PAK3: variants seen among roughly 807,000 people sequenced by gnomAD.
PAK3 encodes serine/threonine-protein kinase PAK 3.
A neutral mutation model predicts 41.0 loss-of-function variants in PAK3; 4 were observed. That is an observed-to-expected ratio of 0.10 (90% CI 0.05 to 0.22). The LOEUF is 0.22. Among genes scored for constraint, PAK3 ranks in the 10% least tolerant of loss-of-function variants. The pLI is 1.00. For missense variants in PAK3, 205 were observed against 409.9 expected (o/e 0.50, Z 4.32); for synonymous variants, 146 against 139.6 (o/e 1.05, Z -0.32).
chrX:110,971,347 CT>C (rs1158261003), intron 1 of PAK3, among the ~76,000 whole-genome samples: 1 of 112,100 alleles, frequency 8.9e-6, no homozygotes. Context: ...AATATGTGGC[CT>C]TTTGTGACTG....
intron 4 of PAK3, among the ~76,000 whole-genome samples, chrX:111,105,770 AT>A (rs975351860): frequency 1.8e-5 from 2 of 111,441 alleles, no homozygotes; most frequent in Non-Finnish European, 3.8e-5. Context: ...ATCACACTCT[AT>A]ACCAAACTTG....
At chrX:111,005,979 G>C (rs184572726) in intron 1 of PAK3, among the ~76,000 whole-genome samples, 1 of 111,393 alleles carries the variant, frequency 9.0e-6, no homozygotes, top group Non-Finnish European at 1.9e-5. Flanking sequence ...TATACCCAGG[G>C]TTTACCCTGC....
At chrX:111,196,684 GA>G (rs2094615933) in intron 16 of PAK3, 44 bp downstream of exon 16, 1 of 961,950 alleles carries the variant, frequency 1.0e-6, no homozygotes. Context: ...CAGGAAAGAG[GA>G]AAGGCCAAAT....
chrX:111,152,576 T>C (rs1047563164), intron 8 of PAK3, 129 bp downstream of exon 8: 4 of 496,442 alleles, frequency 8.1e-6, no homozygotes, highest in Non-Finnish European at 1.4e-5. Context: ...ATTCAGTTTA[T>C]ATAAAATTCA....
At chrX:111,159,596 A>G (rs1026593035) in intron 8 of PAK3, among the ~76,000 whole-genome samples, 4 of 111,674 alleles carry the variant, frequency 3.6e-5, no homozygotes, top group Non-Finnish European at 7.5e-5. Flanking sequence ...GCAAATTTCG[A>G]TAACCCAAAG....
rs761684801 is a variant in PAK3 at position 111,133,896 on chromosome X, A to G, written c.176-8200A>G. 9.8e-5 allele frequency among the ~76,000 whole-genome samples: 11 copies of G among 112,250 alleles called. No homozygotes were observed. In the South Asian group the frequency reaches 4.1e-3, roughly 42 times the overall value. ...TTGTGCTTTTAGGCTAAATTTATGT[A>G]GGAAAGCATTTCCCTATGTCTGTCT... is the stretch of plus-strand genomic sequence containing the variant. On this transcript the variant is annotated intron_variant, in intron 5 of 17. Coordinates refer to ENST00000372007, the MANE Select transcript of PAK3 (RefSeq NM_002578.5).
At chrX:110,956,731 G>A (rs962010081) in intron 1 of PAK3, among the ~76,000 whole-genome samples, 5 of 111,411 alleles carry the variant, frequency 4.5e-5, no homozygotes, top group African/African-American at 9.8e-5. Context: ...CTCCCCTGTC[G>A]GCTCCACCAG....
At chrX:111,017,180 G>C (rs1343516782) in intron 1 of PAK3, among the ~76,000 whole-genome samples, 15 of 111,019 alleles carry the variant, frequency 1.4e-4, no homozygotes, top group African/African-American at 4.6e-4. Flanking sequence ...AAAATAACAA[G>C]CTAAACCCAA....
chrX:110,972,200 C>T (rs756477979), intron 1 of PAK3, among the ~76,000 whole-genome samples: 9 of 111,163 alleles, frequency 8.1e-5, no homozygotes, highest in Non-Finnish European at 1.5e-4. Flanking sequence ...AGTACTACCT[C>T]GAATAGCAGT....
intron 1 of PAK3, among the ~76,000 whole-genome samples, chrX:111,006,436 A>G (rs2091925408): frequency 8.9e-6 from 1 of 112,206 alleles, no homozygotes; most frequent in Admixed American, 9.4e-5. Flanking sequence ...GTAAAGGAGG[A>G]ATAAAGCAAA....
chrX:111,124,520 C>T (rs768273610), intron 5 of PAK3, among the ~76,000 whole-genome samples: 1 of 112,023 alleles, frequency 8.9e-6, no homozygotes, highest in Admixed American at 9.5e-5. Context: ...GTATTCACCA[C>T]AAATTCAGGA....
chrX:111,198,862 A>G (rs1356090499), intron 16 of PAK3, among the ~76,000 whole-genome samples: 1 of 111,389 alleles, frequency 9.0e-6, no homozygotes, highest in African/African-American at 3.3e-5. Context: ...AATTCTGTGA[A>G]AAGTGTCATT....
At chrX:111,018,716 T>G (rs192350896) in intron 1 of PAK3, among the ~76,000 whole-genome samples, 1 of 111,836 alleles carries the variant, frequency 8.9e-6, no homozygotes, top group African/African-American at 3.2e-5. Context: ...CCCCAGTGAC[T>G]TTTGTTGCAG....
intron 8 of PAK3, among the ~76,000 whole-genome samples, chrX:111,160,463 T>TTTATG (rs2094156888): frequency 9.1e-6 from 1 of 110,356 alleles, no homozygotes; most frequent in African/African-American, 3.3e-5. Context: ...TTTATTTTAT[T>TTTATG]TTATTTTTTA....
chrX:111,007,208 A>C (rs1002943062), intron 1 of PAK3, among the ~76,000 whole-genome samples: 4 of 110,799 alleles, frequency 3.6e-5, no homozygotes, highest in Non-Finnish European at 7.5e-5. Context: ...CAGCCCCATC[A>C]TCTTGACCCC....
At position 111,088,897 on chromosome X, in the gene PAK3, C is replaced by T. The variant is rs771911108; in HGVS notation, c.-27-34180C>T. On this transcript the variant is annotated intron_variant, in intron 1 of 14. Coordinates refer to the PAK3 transcript ENST00000425146. Reference sequence around the variant, plus strand: ...TCCATTCTCCCAGCCTGATTAATGGCAGGGCTGCTTTTTCTTAGCTCAAAC... The same window carrying T: ...TCCATTCTCCCAGCCTGATTAATGGTAGGGCTGCTTTTTCTTAGCTCAAAC... Among the ~76,000 whole-genome samples the T allele has an allele frequency of 8.9e-5, 10 of 111,844 alleles. No homozygotes were observed. In the East Asian group the frequency reaches 2.8e-3, roughly 31 times the overall value.
chrX:111,086,769 C>A (rs1486454004), intron 1 of PAK3, among the ~76,000 whole-genome samples: 1 of 111,417 alleles, frequency 9.0e-6, no homozygotes, highest in East Asian at 2.8e-4. Context: ...AGGGAAAGGC[C>A]AATCTTGATT....
At chrX:110,955,638 T>C (rs1252543767) in intron 1 of PAK3, among the ~76,000 whole-genome samples, 1 of 111,630 alleles carries the variant, frequency 9.0e-6, no homozygotes, top group Non-Finnish European at 1.9e-5. Flanking sequence ...ACCCTGTCTC[T>C]TGATAAAACA....
intron 6 of PAK3, among the ~76,000 whole-genome samples, chrX:111,144,345 C>T (rs2093914639): frequency 8.9e-6 from 1 of 111,943 alleles, no homozygotes; most frequent in African/African-American, 3.2e-5. Context: ...TTATTGTCAT[C>T]CTGATGATCT....
Sources: allele counts gnomAD v4.1 joint callset (sites outside exome capture counted in the v4.1 genomes callset), GRCh38; gene constraint gnomAD v4.1.1; transcripts MANE v1.5; gene names NCBI Gene and HGNC (gene_info 2026-07-23, HGNC 2026-07-21).